DNAH9: variants seen among roughly 807,000 people sequenced by gnomAD.
The protein encoded by DNAH9 is dynein axonemal heavy chain 9.
DNAH9 carries 345 observed loss-of-function variants against 471.6 expected under a neutral mutation model. The ratio of observed to expected loss-of-function variants is 0.73; its 90% CI spans 0.67 to 0.80. DNAH9 has a LOEUF of 0.80. DNAH9 is among the 30% of genes least tolerant of loss of function. DNAH9 has a pLI of 0.00. For missense variants in DNAH9, 5,407 were observed against 5,609.2 expected (o/e 0.96, Z 1.15); for synonymous variants, 2,093 against 2,123.6 (o/e 0.99, Z 0.40).
intron 61 of DNAH9, among the ~76,000 whole-genome samples, chr17:11,914,441 T>A (rs1973877094): frequency 6.6e-6 from 1 of 152,212 alleles, no homozygotes. Flanking sequence ...ATTTTCTTTA[T>A]ATTCTAAATT....
Position 11,619,591 on chromosome 17 carries a change from T to C in DNAH9, c.1160T>C (p.Val387Ala), listed in dbSNP as rs377448065. The C allele has an allele frequency of 5.0e-6, 8 of 1,613,984 alleles. No individual in the cohort carries two copies. Among genetic ancestry groups the C allele is most frequent in the East Asian group, 2.2e-5 (1 of 44,900 alleles). ...LSPEDLLRSE[V>A]EESQRKLQVV... ...CCAGAAGACCTGCTGAGAAGTGAGG[T>C]AGAAGAAAGTCAGAGAAAACTGCAA... Residue 387 changes from valine (V) to alanine (A), a missense_variant, in exon 6 of 69, where the codon GTA (valine) becomes GCA (alanine). This residue lies in a region of DNAH9 where 767 missense variants were observed against 692.5 expected (regional missense o/e 1.11). Coordinates refer to ENST00000262442, the MANE Select transcript of DNAH9 (RefSeq NM_001372.4).
chr17:11,683,363 A>G (rs1484893212), intron 19 of DNAH9, among the ~76,000 whole-genome samples: 1 of 152,124 alleles, frequency 6.6e-6, no homozygotes, highest in Non-Finnish European at 1.5e-5. Flanking sequence ...TAGTAGAGGC[A>G]GGGTTTCACC....
At chr17:11,719,269 T>G in intron 26 of DNAH9, 65 bp from the exon 27 acceptor site, 330 of 1,517,498 alleles carry the variant, frequency 2.2e-4, no homozygotes, top group Non-Finnish European at 2.7e-4. Flanking sequence ...CACATGGCCT[T>G]GAGCCTTAGT....
rs201163987 is a variant in DNAH9 at position 11,652,761 on chromosome 17, G to T, written c.2354G>T (p.Gly785Val). Residue 785 changes from glycine to valine, a missense_variant and splice_region_variant, in exon 14 of 69, where the codon GGC becomes GTC. Physicochemically the swap from Gly to Val is moderately radical, Grantham distance 109. Coordinates refer to ENST00000262442, the MANE Select transcript of DNAH9 (RefSeq NM_001372.4). ...TAATTATGTTTCTTTTGGGGAACAG[G>T]CATTTGCGATTATGTCACTGAAATC... is the stretch of plus-strand genomic sequence containing the variant. ...AEETLNWKTE[G>V]ICDYVTEITS... The T allele has an allele frequency of 1.9e-6, 3 of 1,612,636 alleles. No individual in the cohort carries two copies. In the East Asian group the frequency reaches 6.7e-5, roughly 36 times the overall value.
At chr17:11,899,673 G>T (rs531630347) in intron 59 of DNAH9, among the ~76,000 whole-genome samples, 1 of 152,308 alleles carries the variant, frequency 6.6e-6, no homozygotes, top group East Asian at 1.9e-4. Context: ...CGCCAGAGGG[G>T]GTTGCAGGAC....
intron 57 of DNAH9, 70 bp from the exon 58 acceptor site, chr17:11,891,707 C>T (rs540600864): frequency 2.5e-5 from 38 of 1,502,124 alleles, no homozygotes; most frequent in East Asian, 4.6e-5. Flanking sequence ...TCACATTCTT[C>T]GCAGGTAAGA....
At chr17:11,779,485 T>A (rs1239189486) in intron 38 of DNAH9, among the ~76,000 whole-genome samples, 1 of 152,188 alleles carries the variant, frequency 6.6e-6, no homozygotes, top group Non-Finnish European at 1.5e-5. Context: ...TTTAGGATCA[T>A]CTGCCTGAGA....
intron 10 of DNAH9, among the ~76,000 whole-genome samples, chr17:11,644,070 A>C (rs1390621043): frequency 1.3e-5 from 2 of 152,152 alleles, no homozygotes; most frequent in African/African-American, 4.8e-5. Context: ...GTACACTTTT[A>C]TACGATTGGC....
At chr17:11,894,248 A>G in intron 58 of DNAH9, 126 bp from the exon 59 acceptor site, 1 of 1,331,474 alleles carries the variant, frequency 7.5e-7, no homozygotes. Flanking sequence ...CCCTCATTAA[A>G]CAACCAAAAT....
In DNAH9 at chr17:11,632,644, T is replaced by C. The variant is rs748311600; in HGVS notation, c.1576T>C (p.Leu526=). The change falls in exon 8 of 69, where the codon TTG becomes CTG. Residue 526 remains leucine (L), a synonymous_variant. Transcript: ENST00000262442. ...NQKVEDLDRR[L]GTIFIQAFDD... is the part of the protein sequence containing the mutation. ...GAAAGTAGAAGATCTTGACCGAAGA[T>C]TGGGGACTATCTTTATTCAAGCTTT... 6.8e-6 allele frequency: 11 copies of C among 1,612,376 alleles called. No individual in the cohort carries two copies. The highest frequency in any genetic ancestry group is 3.3e-5 in the Admixed American group (2 of 60,000).
intron 8 of DNAH9, among the ~76,000 whole-genome samples, chr17:11,635,952 C>T: frequency 6.6e-6 from 1 of 152,018 alleles, no homozygotes; most frequent in East Asian, 1.9e-4. Context: ...TCTTTTCCAT[C>T]ATTACCTTCT....
chr17:11,938,111 G>T (rs62061997), intron 66 of DNAH9, among the ~76,000 whole-genome samples: 27,224 of 152,096 alleles, frequency 0.18, 2,518 homozygotes, highest in Admixed American at 0.21. Context: ...CCAGGGTGAG[G>T]TGTGGGTTTC....
At chr17:11,743,200 A>G (rs554019424) in intron 30 of DNAH9, among the ~76,000 whole-genome samples, 2 of 151,986 alleles carry the variant, frequency 1.3e-5, no homozygotes, top group South Asian at 4.2e-4. Context: ...TCATTCACTC[A>G]TTTGCTAACT....
chr17:11,899,177 ATT>A (rs147745289), intron 59 of DNAH9, among the ~76,000 whole-genome samples: 30,844 of 126,084 alleles, frequency 0.24, 3,525 homozygotes, highest in Admixed American at 0.37. Flanking sequence ...ATAGGACATG[ATT>A]TTTTAAAAAA....
intron 36 of DNAH9, 97 bp downstream of exon 36, chr17:11,763,711 C>T: frequency 8.3e-7 from 1 of 1,209,656 alleles, no homozygotes; most frequent in Non-Finnish European, 1.2e-6. Flanking sequence ...AGCTAAATGT[C>T]AGAATGGACT....
intron 45 of DNAH9, among the ~76,000 whole-genome samples, chr17:11,812,007 AAAAAAAAAAAAAAAAAAAAATAT>A (rs1434433798): frequency 5.6e-5 from 3 of 53,596 alleles, no homozygotes; most frequent in African/African-American, 2.9e-4. Flanking sequence ...AAAAAAAAAA[AAAAAAAAAAAAAAAAAAAAATAT>A]ATATATATAT....
At chr17:11,926,020 C>A (rs956089274) in intron 62 of DNAH9, among the ~76,000 whole-genome samples, 1 of 98,946 alleles carries the variant, frequency 1.0e-5, no homozygotes, top group East Asian at 3.8e-4. Flanking sequence ...AGCCTGTAAA[C>A]CTGAGAGATT....
At chr17:11,620,462 C>T (rs142493568) in intron 6 of DNAH9, among the ~76,000 whole-genome samples, 6,398 of 143,896 alleles carry the variant, frequency 0.044, 181 homozygotes, top group African/African-American at 0.079. Flanking sequence ...CAGTGAGCCA[C>T]GATCACACCA....
At chr17:11,664,272 GGAGAGAGAGAGAGAGAGT>G (rs1053083056) in intron 14 of DNAH9, among the ~76,000 whole-genome samples, 16 of 150,478 alleles carry the variant, frequency 1.1e-4, no homozygotes, top group Middle Eastern at 6.8e-3. Flanking sequence ...AGGAAGGAGG[GGAGAGAGAGAGAGAGAGT>G]GAGAGAGAGA....
Sources: gnomAD v4.1 joint callset for allele counts (sites outside exome capture counted in the v4.1 genomes callset) on GRCh38, gnomAD v4.1.1 for gene constraint, gnomAD v4.1.1 regional missense constraint, MANE v1.5 for transcripts, NCBI Gene and HGNC (gene_info 2026-07-23, HGNC 2026-07-21) for gene names.